The following SEMA6D variants were observed in gnomAD, a reference collection of about 807,000 sequenced individuals.
SEMA6D encodes the protein semaphorin 6D.
In SEMA6D, 35 loss-of-function variants were observed where a neutral mutation model predicts 106.6. That is an observed-to-expected ratio of 0.33 (90% confidence interval 0.25 to 0.44). The LOEUF is 0.44. Ranked by LOEUF, SEMA6D falls within the 20% of genes least tolerant of loss-of-function variation. The probability of loss-of-function intolerance (pLI) is 1.00; values close to 1 mark genes in which losing one functional copy is unlikely to be tolerated. For synonymous variants in SEMA6D, 499 were observed against 487.7 expected (o/e 1.02, Z -0.31); for missense variants, 1,185 against 1,345.9 (o/e 0.88, Z 1.87).
At position 47,727,067 on chromosome 15, in the gene SEMA6D, A is replaced by C. The variant is rs180692970; in HGVS notation, c.-55+9375A>C. ...GCTGTTTCAGAATTGTGGTGTCAAA[A>C]ATCTGGCTTCCACTGTCGGTACTGT... On this transcript the variant is annotated intron_variant, in intron 1 of 18. Coordinates refer to ENST00000536845, the MANE Select transcript of SEMA6D (RefSeq NM_001358351.3). Among the ~76,000 whole-genome samples, 3 of 152,272 alleles carry C rather than the reference A, an allele frequency of 2.0e-5. No homozygotes were observed. The East Asian group carries it at 5.8e-4, about 29-fold the overall frequency.
intron 3 of SEMA6D, among the ~76,000 whole-genome samples, chr15:47,548,772 ATGTT>A (rs1278107231): frequency 6.6e-6 from 1 of 152,160 alleles, no homozygotes; most frequent in Non-Finnish European, 1.5e-5. Flanking sequence ...TGCACAAAGT[ATGTT>A]TTTGTGCACA....
intron 1 of SEMA6D, among the ~76,000 whole-genome samples, chr15:47,335,674 T>C (rs1263701302): frequency 6.6e-6 from 1 of 152,264 alleles, no homozygotes; most frequent in African/African-American, 2.4e-5. Flanking sequence ...AAGCCTTACC[T>C]GATTTGTGGT....
At chr15:47,378,021 C>A (rs2039508408) in intron 1 of SEMA6D, among the ~76,000 whole-genome samples, 1 of 152,134 alleles carries the variant, frequency 6.6e-6, no homozygotes, top group Admixed American at 6.6e-5. Context: ...AACCTAAAAG[C>A]CCATACTTGA....
chr15:47,763,075 A>G lies in SEMA6D; in HGVS notation c.718A>G (p.Ile240Val). 2 of 1,612,712 alleles carry G rather than the reference A, an allele frequency of 1.2e-6. No individual in the cohort carries two copies. Among genetic ancestry groups the G allele is most frequent in the Non-Finnish European group, 1.7e-6 (2 of 1,179,254 alleles). The change falls in exon 9 of 19, where the codon ATC becomes GTC. Residue 240 changes from isoleucine to valine, a missense_variant. By Grantham distance (29) the Ile-to-Val change is conservative. Coordinates refer to ENST00000536845, the MANE Select transcript of SEMA6D (RefSeq NM_001358351.3). ...CTATGTCTATTTCTTCTTTCGAGAAATCGCTGTCGAACATAATAATTTAGG... is the reference window on the plus strand; with the variant it reads ...CTATGTCTATTTCTTCTTTCGAGAAGTCGCTGTCGAACATAATAATTTAGG... ...GNYVYFFFRE[I>V]AVEHNNLGKA... is the part of the protein sequence containing the mutation.
intron 3 of SEMA6D, among the ~76,000 whole-genome samples, chr15:47,544,806 C>T (rs192011002): frequency 1.5e-4 from 20 of 133,070 alleles, no homozygotes; most frequent in African/African-American, 5.2e-4. Flanking sequence ...TGGGGGGACT[C>T]GTATTTTTTG....
intron 3 of SEMA6D, among the ~76,000 whole-genome samples, chr15:47,485,423 A>AC (rs988133588): frequency 1.3e-5 from 2 of 151,924 alleles, no homozygotes; most frequent in Admixed American, 6.6e-5. Context: ...ACTGACACCC[A>AC]CCCCCATTCA....
chr15:47,756,666 C>T (rs1347333587), intron 1 of SEMA6D, among the ~76,000 whole-genome samples: 1 of 152,118 alleles, frequency 6.6e-6, no homozygotes, highest in East Asian at 1.9e-4. Flanking sequence ...ACTTGGCCTG[C>T]CCTTTTTCAG....
At chr15:47,389,348 A>G (rs1472372093) in intron 1 of SEMA6D, among the ~76,000 whole-genome samples, 1 of 152,168 alleles carries the variant, frequency 6.6e-6, no homozygotes, top group Non-Finnish European at 1.5e-5. Flanking sequence ...TCACCAAAGC[A>G]AAATACATTG....
chr15:47,587,567 G>A (rs748467815), intron 3 of SEMA6D, among the ~76,000 whole-genome samples: 2 of 152,120 alleles, frequency 1.3e-5, no homozygotes, highest in Admixed American at 6.5e-5. Flanking sequence ...TCAGTGATCC[G>A]AAGCCAGGGC....
intron 1 of SEMA6D, among the ~76,000 whole-genome samples, chr15:47,741,454 C>T (rs940321809): frequency 2.0e-5 from 3 of 152,330 alleles, no homozygotes; most frequent in African/African-American, 4.8e-5. Context: ...CAGTGGCTCA[C>T]GCCTGTAATC....
chr15:47,296,088 C>T (rs1310863536), intron 1 of SEMA6D, among the ~76,000 whole-genome samples: 1 of 152,168 alleles, frequency 6.6e-6, no homozygotes, highest in Non-Finnish European at 1.5e-5. Flanking sequence ...AGTCATGTAT[C>T]AAGTTTCTAG....
At chr15:47,724,521 A>G (rs1170015420) in intron 1 of SEMA6D, among the ~76,000 whole-genome samples, 3 of 151,780 alleles carry the variant, frequency 2.0e-5, no homozygotes, top group Admixed American at 6.6e-5. Flanking sequence ...AGTCACTGAT[A>G]TTTGAGCTGG....
chr15:47,342,780 A>G (rs983732575), intron 1 of SEMA6D, among the ~76,000 whole-genome samples: 3 of 152,082 alleles, frequency 2.0e-5, no homozygotes, highest in African/African-American at 7.2e-5. Flanking sequence ...GCACAATCTC[A>G]GCTCATTGCA....
intron 1 of SEMA6D, among the ~76,000 whole-genome samples, chr15:47,362,909 T>G (rs1374912102): frequency 6.6e-6 from 1 of 152,216 alleles, no homozygotes; most frequent in Non-Finnish European, 1.5e-5. Flanking sequence ...GGGAAAAGTA[T>G]AAACTCTTCC....
chr15:47,741,048 C>G (rs1281053708), intron 1 of SEMA6D, among the ~76,000 whole-genome samples: 1 of 152,174 alleles, frequency 6.6e-6, no homozygotes, highest in South Asian at 2.1e-4. Flanking sequence ...AATAATGATG[C>G]TTATGTCTTA....
intron 1 of SEMA6D, among the ~76,000 whole-genome samples, chr15:47,753,303 C>T (rs1310151914): frequency 3.3e-5 from 5 of 152,112 alleles, no homozygotes; most frequent in Admixed American, 2.0e-4. Context: ...ACATTACTAG[C>T]GAGTTGTCCT....
chr15:47,701,058 C>G (rs919145571), intron 4 of SEMA6D, among the ~76,000 whole-genome samples: 5 of 152,080 alleles, frequency 3.3e-5, no homozygotes, highest in African/African-American at 1.2e-4. Context: ...GATACAGCAC[C>G]AAAGGCACAG....
intron 1 of SEMA6D, among the ~76,000 whole-genome samples, chr15:47,263,958 A>G (rs2034195836): frequency 1.3e-5 from 2 of 151,816 alleles, no homozygotes; most frequent in African/African-American, 2.4e-5. Flanking sequence ...ATGCCCATCA[A>G]TGACAAATTG....
chr15:47,729,394 C>T (rs1346906521), intron 1 of SEMA6D, among the ~76,000 whole-genome samples: 1 of 151,750 alleles, frequency 6.6e-6, no homozygotes, highest in Non-Finnish European at 1.5e-5. Flanking sequence ...ATCCATTTGT[C>T]TTTCACTGGA....
Sources: gnomAD v4.1 joint callset for allele counts (sites outside exome capture counted in the v4.1 genomes callset) on GRCh38, gnomAD v4.1.1 for gene constraint, MANE v1.5 for transcripts, NCBI Gene and HGNC (gene_info 2026-07-23, HGNC 2026-07-21) for gene names.